The following SORCS2 variants were observed in gnomAD, a reference collection of about 807,000 sequenced individuals.
SORCS2 encodes the protein sortilin related VPS10 domain containing receptor 2.
A neutral mutation model predicts 141.6 loss-of-function variants in SORCS2; 100 were observed. The observed-to-expected ratio is 0.71, with a 90% CI of 0.60 to 0.83. SORCS2 has a LOEUF of 0.83. Among genes scored for constraint, SORCS2 ranks in the 40% least tolerant of loss-of-function variants. SORCS2 has a pLI of 0.00. For synonymous variants in SORCS2, 789 were observed against 676.9 expected, an observed-to-expected ratio of 1.17 and a Z score of -2.57; for missense variants, 1,646 against 1,560.2, an observed-to-expected ratio of 1.05 and a Z score of -0.93.
intron 5 of SORCS2, among the ~76,000 whole-genome samples, chr4:7,659,638 C>A (rs1722025384): frequency 6.6e-6 from 1 of 152,214 alleles, no homozygotes; most frequent in South Asian, 2.1e-4. Flanking sequence ...AGAATTGGTG[C>A]CAGAGTACTT....
intron 18 of SORCS2, among the ~76,000 whole-genome samples, chr4:7,719,596 C>G (rs538112470): frequency 6.6e-5 from 10 of 152,324 alleles, no homozygotes; most frequent in African/African-American, 2.2e-4. Context: ...TCCTCGGAGC[C>G]AGGGGCAGCC....
chr4:7,535,188 C>A (rs781229248), intron 3 of SORCS2, among the ~76,000 whole-genome samples: 39 of 152,222 alleles, frequency 2.6e-4, no homozygotes, highest in Non-Finnish European at 4.8e-4. Flanking sequence ...AAACTGATCT[C>A]TCTCCGGAAG....
At chr4:7,511,082 T>C (rs1456571249) in intron 2 of SORCS2, among the ~76,000 whole-genome samples, 1 of 152,016 alleles carries the variant, frequency 6.6e-6, no homozygotes, top group African/African-American at 2.4e-5. Flanking sequence ...CGGAAGAGGA[T>C]GAATGAGGGA....
At chr4:7,534,478 G>C (rs181152985) in intron 3 of SORCS2, among the ~76,000 whole-genome samples, 2 of 152,350 alleles carry the variant, frequency 1.3e-5, no homozygotes, top group East Asian at 3.9e-4. Flanking sequence ...TCCCAGTCCC[G>C]ACCCCTGGAA....
chr4:7,696,315 C>CATTGG (rs1724705592), intron 11 of SORCS2, among the ~76,000 whole-genome samples: 1 of 152,214 alleles, frequency 6.6e-6, no homozygotes, highest in Non-Finnish European at 1.5e-5. Flanking sequence ...CTGCCACAGC[C>CATTGG]ATTGGGTACA....
rs113804752 is a variant in SORCS2 at position 7,647,490 on chromosome 4, A to C, written c.814-6644A>C. 4.7e-3 allele frequency among the ~76,000 whole-genome samples: 721 copies of C among 152,218 alleles called. 4 individuals are homozygous for C. The highest frequency in any genetic ancestry group is 0.016 in the African/African-American group (682 of 41,528). On this transcript the variant is annotated intron_variant, in intron 4 of 26. Transcript: ENST00000507866. Reference sequence around the variant, plus strand: ...CCTGAAGACACCGTGGAGGCGGGACACCTTTGCCAGGACAGTTCCATGATG... The same window carrying C: ...CCTGAAGACACCGTGGAGGCGGGACCCCTTTGCCAGGACAGTTCCATGATG...
intron 1 of SORCS2, among the ~76,000 whole-genome samples, chr4:7,269,217 G>A (rs1231917443): frequency 1.3e-5 from 2 of 152,202 alleles, no homozygotes; most frequent in African/African-American, 4.8e-5. Context: ...CCAGGGTGCT[G>A]GTGGTGTCCC....
At chr4:7,338,173 A>ATGGGTGGATGT (rs1553844723) in intron 1 of SORCS2, among the ~76,000 whole-genome samples, 1 of 145,328 alleles carries the variant, frequency 6.9e-6, no homozygotes, top group Non-Finnish European at 1.5e-5. Flanking sequence ...GGATGGATGG[A>ATGGGTGGATGT]TGGATGGATG....
intron 3 of SORCS2, among the ~76,000 whole-genome samples, chr4:7,615,313 T>A (rs527504318): frequency 1.3e-5 from 2 of 152,372 alleles, no homozygotes; most frequent in South Asian, 4.1e-4. Context: ...ATTGGACAAG[T>A]TGTGTACTGC....
chr4:7,676,716 T>TTC (rs145978640), intron 9 of SORCS2, among the ~76,000 whole-genome samples: 1 of 109,002 alleles, frequency 9.2e-6, no homozygotes, highest in Non-Finnish European at 1.9e-5. Flanking sequence ...AAATCTGCCT[T>TTC]TCTCTCTCTC....
intron 13 of SORCS2, among the ~76,000 whole-genome samples, chr4:7,703,880 C>T (rs1725244996): frequency 6.6e-6 from 1 of 152,236 alleles, no homozygotes; most frequent in African/African-American, 2.4e-5. Context: ...ACCGGCCCTA[C>T]CACGGGCCTG....
intron 2 of SORCS2, among the ~76,000 whole-genome samples, chr4:7,512,173 G>A (rs566032584): frequency 2.6e-5 from 4 of 152,142 alleles, no homozygotes; most frequent in South Asian, 2.1e-4. Context: ...AGGCGGTGTC[G>A]TTAAGGGAGA....
At chr4:7,684,140 C>G (rs1723733209) in intron 10 of SORCS2, among the ~76,000 whole-genome samples, 1 of 152,270 alleles carries the variant, frequency 6.6e-6, no homozygotes, top group South Asian at 2.1e-4. Flanking sequence ...ATCCCTGCCC[C>G]TTCCTAGGTG....
intron 8 of SORCS2, among the ~76,000 whole-genome samples, chr4:7,672,107 C>A (rs1393636654): frequency 6.6e-6 from 1 of 152,010 alleles, no homozygotes; most frequent in African/African-American, 2.4e-5. Context: ...CCATACCCAG[C>A]TAATTTTGTA....
At chr4:7,491,840 C>A (rs1731332867) in intron 2 of SORCS2, among the ~76,000 whole-genome samples, 1 of 152,176 alleles carries the variant, frequency 6.6e-6, no homozygotes, top group South Asian at 2.1e-4. Context: ...AGGGGTAGAA[C>A]TGGCCCAGAT....
In SORCS2 at chr4:7,550,879, G is replaced by A. The variant is rs181166804; in HGVS notation, c.648+19250G>A. ...AGCCCTTTTTCCATCTGTCTCACCC[G>A]CTCATCTGCTGTCTTGGCCTTTTCT... On this transcript the variant is annotated intron_variant, in intron 3 of 26. Coordinates refer to ENST00000507866, the MANE Select transcript of SORCS2 (RefSeq NM_020777.3). 4.1e-4 allele frequency among the ~76,000 whole-genome samples: 62 copies of A among 152,258 alleles called. 1 individual carries two copies. Among genetic ancestry groups the A allele is most frequent in the African/African-American group, 1.3e-3 (55 of 41,558 alleles).
intron 2 of SORCS2, among the ~76,000 whole-genome samples, chr4:7,440,259 G>A (rs945476429): frequency 6.6e-6 from 1 of 152,200 alleles, no homozygotes; most frequent in Non-Finnish European, 1.5e-5. Context: ...TGGGACCGGG[G>A]AGGAGGGAAC....
rs187485545 is a variant in SORCS2 at position 7,628,432 on chromosome 4, T to C, written c.649-9896T>C. ...TACTAGGGAGGCTGAGGCAGGAGAA[T>C]GGCATGAACCCGGGAGATGGAGCTT... On this transcript the variant is annotated intron_variant, in intron 3 of 26. Transcript: ENST00000507866. Among the ~76,000 whole-genome samples the C allele has an allele frequency of 3.6e-3, 532 of 148,886 alleles. 3 individuals are homozygous for C. Among genetic ancestry groups the C allele is most frequent in the African/African-American group, 0.012 (498 of 40,328 alleles).
At chr4:7,433,911 G>A (rs370464084) in intron 2 of SORCS2, 10 of 1,613,756 alleles carry the variant, frequency 6.2e-6, no homozygotes, top group Non-Finnish European at 7.6e-6. Flanking sequence ...CCGAGCACAC[G>A]CGCTCCAGGG....
Sources: gnomAD v4.1 joint callset for allele counts (sites outside exome capture counted in the v4.1 genomes callset) on GRCh38, gnomAD v4.1.1 for gene constraint, MANE v1.5 for transcripts, NCBI Gene and HGNC (gene_info 2026-07-23, HGNC 2026-07-21) for gene names.